ATP10A: variants seen among roughly 807,000 people sequenced by gnomAD.
ATP10A encodes the protein phospholipid-transporting ATPase VA.
ATP10A carries 111 observed loss-of-function variants against 147.8 expected under a neutral mutation model. The ratio of observed to expected loss-of-function variants is 0.75; its 90% confidence interval spans 0.64 to 0.88. ATP10A has a LOEUF of 0.88. Ranked by LOEUF, ATP10A falls within the 40% of genes least tolerant of loss-of-function variation. The pLI is 0.00. For missense variants in ATP10A, 1,927 were observed against 1,959.0 expected (o/e 0.98, Z 0.31); for synonymous variants, 875 against 841.6 (o/e 1.04, Z -0.69).
downstream of ATP10A, chr15:25,677,229 C>A (rs769456282): frequency 6.6e-6 from 1 of 152,162 alleles, no homozygotes; most frequent in Admixed American, 6.5e-5. Context: ...TTGAGATAAT[C>A]ATGAAGTTCG....
chr15:25,857,238 G>GT (rs1893557845), intron 1 of ATP10A, among the ~76,000 whole-genome samples: 1 of 152,160 alleles, frequency 6.6e-6, no homozygotes. Context: ...GAGCCCAGGA[G>GT]TTGGAGACCA....
chr15:25,840,781 C>T (rs552534424), intron 1 of ATP10A, among the ~76,000 whole-genome samples: 3 of 152,036 alleles, frequency 2.0e-5, no homozygotes, highest in Non-Finnish European at 2.9e-5. Context: ...TAGGAGAGAT[C>T]CCATTTCTCA....
At chr15:25,787,910 G>T (rs1890243958) in intron 1 of ATP10A, among the ~76,000 whole-genome samples, 1 of 152,114 alleles carries the variant, frequency 6.6e-6, no homozygotes, top group Non-Finnish European at 1.5e-5. Context: ...ACCATCTGAG[G>T]TGTGGCCATA....
chr15:25,702,554 A>C lies in ATP10A; in HGVS notation c.2576-454T>G, dbSNP rs1900731691. On this transcript the variant is annotated intron_variant, in intron 12 of 20. Coordinates refer to ENST00000555815, the MANE Select transcript of ATP10A (RefSeq NM_024490.4). ...CTGGTGAATGAAATTCAGAATGTCC[A>C]GTCTCAACAATGCTTATTACTAGTC... 2.6e-5 allele frequency among the ~76,000 whole-genome samples: 4 copies of C among 152,214 alleles called. 1 individual carries two copies. In the South Asian group the frequency reaches 8.3e-4, roughly 32 times the overall value.
chr15:25,821,755 G>A (rs990747566), intron 1 of ATP10A, among the ~76,000 whole-genome samples: 6 of 152,188 alleles, frequency 3.9e-5, no homozygotes, highest in East Asian at 3.8e-4. Flanking sequence ...ATTTCATGGC[G>A]TAGGAAACAT....
intron 7 of ATP10A, among the ~76,000 whole-genome samples, chr15:25,718,637 G>A (rs755995519): frequency 3.9e-5 from 6 of 152,124 alleles, no homozygotes; most frequent in Non-Finnish European, 7.4e-5. Context: ...AGAACGTAAG[G>A]AGCTTTCTAA....
chr15:25,831,565 G>T (rs2140871405), intron 1 of ATP10A, among the ~76,000 whole-genome samples: 1 of 152,222 alleles, frequency 6.6e-6, no homozygotes, highest in South Asian at 2.1e-4. Context: ...CACAGATTCA[G>T]CTAAATACCA....
intron 2 of ATP10A, among the ~76,000 whole-genome samples, chr15:25,758,655 ACCACC>A: frequency 2.9e-5 from 3 of 102,612 alleles, no homozygotes; most frequent in East Asian, 3.8e-4. Flanking sequence ...ACTCATTCCG[ACCACC>A]TGCTCCACCC....
chr15:25,704,932 C>G, intron 12 of ATP10A, among the ~76,000 whole-genome samples: 1 of 152,064 alleles, frequency 6.6e-6, no homozygotes, highest in East Asian at 1.9e-4. Context: ...CTTGGTGCCA[C>G]ACAGCTTTGA....
intron 3 of ATP10A, among the ~76,000 whole-genome samples, chr15:25,732,850 C>T (rs901657833): frequency 3.9e-5 from 6 of 152,020 alleles, no homozygotes; most frequent in East Asian, 1.9e-4. Context: ...CCACCGCGCC[C>T]GGCCACGACA....
At chr15:25,848,524 C>T (rs1025607546) in intron 1 of ATP10A, among the ~76,000 whole-genome samples, 3 of 152,034 alleles carry the variant, frequency 2.0e-5, no homozygotes, top group Non-Finnish European at 2.9e-5. Flanking sequence ...ACGATGGTTT[C>T]GGCAGGGCGG....
chr15:25,764,269 C>T (rs749557399), intron 2 of ATP10A, among the ~76,000 whole-genome samples: 6 of 152,282 alleles, frequency 3.9e-5, no homozygotes, highest in Admixed American at 2.6e-4. Flanking sequence ...CACCGTGCAG[C>T]GCGGGCTTCC....
intron 2 of ATP10A, among the ~76,000 whole-genome samples, chr15:25,759,950 T>G (rs1185827643): frequency 1.3e-5 from 2 of 150,674 alleles, no homozygotes; most frequent in Non-Finnish European, 3.0e-5. Context: ...GTGATCTGTG[T>G]TCCTATCTGA....
At chr15:25,860,014 C>T (rs1200679362) in intron 1 of ATP10A, among the ~76,000 whole-genome samples, 1 of 152,164 alleles carries the variant, frequency 6.6e-6, no homozygotes, top group Admixed American at 6.5e-5. Flanking sequence ...CAGACCTAGA[C>T]AGTTCACAGT....
chr15:25,735,842 G>C (rs921114873), intron 3 of ATP10A, among the ~76,000 whole-genome samples: 1 of 152,162 alleles, frequency 6.6e-6, no homozygotes, highest in East Asian at 1.9e-4. Flanking sequence ...GTAGTGGCAA[G>C]CTTCTACTGA....
chr15:25,760,464 C>A (rs1405487483), intron 2 of ATP10A, among the ~76,000 whole-genome samples: 1 of 152,186 alleles, frequency 6.6e-6, no homozygotes, highest in Non-Finnish European at 1.5e-5. Context: ...GTGTTCATAG[C>A]AATTGCTTTA....
At chr15:25,775,466 C>T (rs542502441) in intron 2 of ATP10A, among the ~76,000 whole-genome samples, 65 of 152,372 alleles carry the variant, frequency 4.3e-4, no homozygotes, top group African/African-American at 1.5e-3. Context: ...CTGTCTCCGC[C>T]TTGGCATCAC....
At chr15:25,760,480 A>G (rs1325090162) in intron 2 of ATP10A, among the ~76,000 whole-genome samples, 3 of 152,210 alleles carry the variant, frequency 2.0e-5, no homozygotes, top group Admixed American at 1.3e-4. Flanking sequence ...CTTTATTCCA[A>G]TGCCTTTCTG....
At chr15:25,784,268 G>C (rs932493265) in intron 1 of ATP10A, among the ~76,000 whole-genome samples, 1 of 152,116 alleles carries the variant, frequency 6.6e-6, no homozygotes, top group Admixed American at 6.5e-5. Context: ...GCTTTGTTGC[G>C]ATGGGGTCCC....
Sources: allele counts gnomAD v4.1 joint callset (sites outside exome capture counted in the v4.1 genomes callset), GRCh38; gene constraint gnomAD v4.1.1; transcripts MANE v1.5; gene names NCBI Gene and HGNC (gene_info 2026-07-23, HGNC 2026-07-21).